PRKN: variants seen among roughly 807,000 people sequenced by gnomAD.
The protein encoded by PRKN is parkin RBR E3 ubiquitin protein ligase.
A neutral mutation model predicts 59.5 loss-of-function variants in PRKN; 56 were observed. That is an observed-to-expected ratio of 0.94 (90% CI 0.76 to 1.18). PRKN has a LOEUF of 1.18. PRKN is among the 50% of genes most tolerant of loss of function. PRKN has a pLI of 0.00. For synonymous variants in PRKN, 250 were observed against 222.1 expected, an observed-to-expected ratio of 1.13 and a Z score of -1.12; for missense variants, 657 against 596.4, an observed-to-expected ratio of 1.10 and a Z score of -1.06.
chr6:162,016,039 T>C (rs1221244679), intron 5 of PRKN, among the ~76,000 whole-genome samples: 1 of 152,108 alleles, frequency 6.6e-6, no homozygotes, highest in African/African-American at 2.4e-5. Flanking sequence ...AAGATGAAGG[T>C]CTCCATCTGG....
chr6:162,021,186 T>TATTA lies in PRKN; in HGVS notation c.618+32904_618+32905insTAAT, dbSNP rs371554799. ...TATATAAAATATATGTGTATATATA[T>TATTA]TATATATATAATATATATAATATAT... On this transcript the variant is annotated intron_variant, in intron 5 of 11. Transcript: ENST00000366898. Among the ~76,000 whole-genome samples the TATTA allele has an allele frequency of 7.9e-5, 8 of 100,676 alleles. 1 individual carries two copies. The highest frequency in any genetic ancestry group is 1.2e-4 in the Admixed American group (1 of 8,600). The allele number at this position is 100,676 out of a possible 152,430, so 66.0% of individuals were successfully genotyped here. A position where few individuals can be genotyped will look rare whatever the true frequency, so the allele number is the denominator to read the frequency against.
intron 6 of PRKN, among the ~76,000 whole-genome samples, chr6:161,865,596 T>C (rs1347589677): frequency 6.6e-6 from 1 of 152,232 alleles, no homozygotes; most frequent in African/African-American, 2.4e-5. Flanking sequence ...TTTCATACGA[T>C]GTAGACGGCT....
intron 6 of PRKN, among the ~76,000 whole-genome samples, chr6:161,954,023 A>G (rs1182459262): frequency 3.3e-5 from 5 of 152,178 alleles, no homozygotes; most frequent in Non-Finnish European, 7.3e-5. Context: ...CACTAATAGT[A>G]TCTACCTCCC....
intron 2 of PRKN, among the ~76,000 whole-genome samples, chr6:162,418,888 C>T (rs1176897220): frequency 6.6e-6 from 1 of 151,980 alleles, no homozygotes; most frequent in Middle Eastern, 3.4e-3. Flanking sequence ...CAGCTAGAAT[C>T]ATCTGCGAGG....
chr6:162,181,531 A>G (rs1783804145), intron 4 of PRKN, among the ~76,000 whole-genome samples: 2 of 152,182 alleles, frequency 1.3e-5, no homozygotes, highest in Non-Finnish European at 2.9e-5. Context: ...AGAAAGAAAA[A>G]GAGAAATAAA....
At chr6:161,615,945 C>T (rs1782677148) in intron 7 of PRKN, among the ~76,000 whole-genome samples, 1 of 152,208 alleles carries the variant, frequency 6.6e-6, no homozygotes, top group African/African-American at 2.4e-5. Context: ...TAGTTGGGTT[C>T]GTGCTGCTTA....
intron 10 of PRKN, among the ~76,000 whole-genome samples, chr6:161,374,576 G>GCAT (rs1785584240): frequency 5.6e-4 from 3 of 5,402 alleles, no homozygotes; most frequent in East Asian, 0.015. Flanking sequence ...TGTGTGTAAT[G>GCAT]GGTGTGTGGT....
intron 2 of PRKN, among the ~76,000 whole-genome samples, chr6:162,313,549 G>A (rs955390733): frequency 6.6e-6 from 1 of 151,830 alleles, no homozygotes; most frequent in South Asian, 2.1e-4. Context: ...ATCCAATGGT[G>A]CGATCTTGGC....
chr6:161,729,554 T>C (rs1012165837), intron 7 of PRKN, among the ~76,000 whole-genome samples: 3 of 152,200 alleles, frequency 2.0e-5, no homozygotes, highest in African/African-American at 7.2e-5. Context: ...TTCAAGGCAA[T>C]TTCTCATTCC....
At chr6:162,224,062 T>C (rs1025374797) in intron 3 of PRKN, among the ~76,000 whole-genome samples, 9 of 151,964 alleles carry the variant, frequency 5.9e-5, no homozygotes, top group Non-Finnish European at 2.9e-5. Context: ...TGGCCCCTCA[T>C]AGATACTCCT....
intron 2 of PRKN, among the ~76,000 whole-genome samples, chr6:162,328,568 A>G (rs1562674485): frequency 6.6e-6 from 1 of 152,290 alleles, no homozygotes; most frequent in East Asian, 1.9e-4. Flanking sequence ...GAGAAAAGAG[A>G]CCGGTAAATA....
intron 7 of PRKN, among the ~76,000 whole-genome samples, chr6:161,618,355 A>C (rs1039891486): frequency 2.6e-5 from 4 of 152,166 alleles, no homozygotes; most frequent in African/African-American, 9.6e-5. Flanking sequence ...CAAGGGAAGT[A>C]CTTTGTGTTT....
Position 161,581,540 on chromosome 6 carries a change from T to C in PRKN, c.872-12124A>G, listed in dbSNP as rs1473707506. 4.6e-5 allele frequency among the ~76,000 whole-genome samples: 7 copies of C among 152,160 alleles called. No individual in the cohort carries two copies. The highest frequency in any genetic ancestry group is 1.5e-5 in the Non-Finnish European group (1 of 68,036). On this transcript the variant is annotated intron_variant, in intron 7 of 11. Coordinates refer to ENST00000366898, the MANE Select transcript of PRKN (RefSeq NM_004562.3). This position sits in a 1 kb window ranked among gnomAD's most constrained non-coding sequence, Gnocchi z 4.5. ...CGGAAGAAGGTCACGGAAGAGGATA[T>C]GCTGAAGTCTGAGGTTTGAGTCACT... is the stretch of plus-strand genomic sequence containing the variant.
intron 1 of PRKN, among the ~76,000 whole-genome samples, chr6:162,467,523 T>C (rs1791484772): frequency 6.6e-6 from 1 of 152,182 alleles, no homozygotes; most frequent in Admixed American, 6.5e-5. Context: ...TCCCTATCAT[T>C]GAGCCTTTGG....
chr6:162,453,888 AG>A (rs2128171946), intron 1 of PRKN, among the ~76,000 whole-genome samples: 1 of 152,234 alleles, frequency 6.6e-6, no homozygotes, highest in African/African-American at 2.4e-5. Flanking sequence ...GGGCGACAAG[AG>A]TGAGACTGTG....
chr6:162,149,966 GACTCT>G (rs1232088848), intron 4 of PRKN, among the ~76,000 whole-genome samples: 1 of 152,122 alleles, frequency 6.6e-6, no homozygotes, highest in East Asian at 1.9e-4. Context: ...ATGGTATAAA[GACTCT>G]ACATTCCTGC....
chr6:162,260,547 T>C (rs928676596), intron 3 of PRKN, among the ~76,000 whole-genome samples: 18 of 151,658 alleles, frequency 1.2e-4, no homozygotes, highest in African/African-American at 3.9e-4. Flanking sequence ...AGAGAGAGAG[T>C]CAGTTGAAAG....
chr6:162,727,378 A>T, intron 1 of PRKN: 1 of 474,156 alleles, frequency 2.1e-6, no homozygotes, highest in Non-Finnish European at 3.7e-6. Flanking sequence ...ACCGCGAACG[A>T]GGAGCGGGGG....
At chr6:161,715,005 G>A (rs1057303915) in intron 7 of PRKN, among the ~76,000 whole-genome samples, 2 of 152,020 alleles carry the variant, frequency 1.3e-5, no homozygotes, top group Non-Finnish European at 2.9e-5. Flanking sequence ...TATCCTTCCC[G>A]CCTGCTTCCT....
Sources: allele counts gnomAD v4.1 joint callset (sites outside exome capture counted in the v4.1 genomes callset), GRCh38; gene constraint gnomAD v4.1.1; non-coding constraint Gnocchi (gnomAD v3.1); transcripts MANE v1.5; gene names NCBI Gene and HGNC (gene_info 2026-07-23, HGNC 2026-07-21).